The following PRELID2 variants were observed in gnomAD, a reference collection of about 807,000 sequenced individuals.
The protein encoded by PRELID2 is PRELI domain-containing protein 2.
Under a neutral mutation model 28.4 loss-of-function variants are expected in PRELID2, and 25 were observed. The observed-to-expected ratio is 0.88, with a 90% CI of 0.64 to 1.23. The LOEUF (loss-of-function observed/expected upper bound fraction) is 1.23, where lower values mean the gene tolerates loss of function less well. PRELID2 is among the 50% of genes most tolerant of loss of function. PRELID2 has a pLI of 0.00. For missense variants in PRELID2, 201 were observed against 214.4 expected, an observed-to-expected ratio of 0.94 and a Z score of 0.39; for synonymous variants, 76 against 71.6, an observed-to-expected ratio of 1.06 and a Z score of -0.31.
intron 1 of PRELID2, among the ~76,000 whole-genome samples, chr5:145,613,425 C>T (rs1216759211): frequency 1.4e-5 from 2 of 145,566 alleles, no homozygotes; most frequent in Admixed American, 1.4e-4. Flanking sequence ...GGTATATCTC[C>T]TAATGCTATC....
chr5:145,362,596 A>T, the PRELID2 span, among the ~76,000 whole-genome samples: 1 of 152,138 alleles, frequency 6.6e-6, no homozygotes, highest in African/African-American at 2.4e-5. Context: ...AATACATAAC[A>T]TTTCACTGAT....
chr5:145,461,395 C>T, the PRELID2 span, among the ~76,000 whole-genome samples: 10 of 152,152 alleles, frequency 6.6e-5, no homozygotes, highest in African/African-American at 2.4e-4. Context: ...CTCTGCCTCC[C>T]GGGTTCACGC....
the PRELID2 span, among the ~76,000 whole-genome samples, chr5:145,358,160 G>T: frequency 6.6e-6 from 1 of 152,108 alleles, no homozygotes; most frequent in Non-Finnish European, 1.5e-5. Flanking sequence ...CTGTCTCAGT[G>T]CTTCTCAGGG....
chr5:145,359,995 T>C, the PRELID2 span, among the ~76,000 whole-genome samples: 55 of 152,320 alleles, frequency 3.6e-4, no homozygotes, highest in African/African-American at 1.2e-3. Context: ...AGGGAATGGC[T>C]ACATTTGAGA....
chr5:145,701,551 G>A (rs1755407282), intron 1 of PRELID2, among the ~76,000 whole-genome samples: 1 of 152,178 alleles, frequency 6.6e-6, no homozygotes, highest in African/African-American at 2.4e-5. Context: ...TGAGCAAAGA[G>A]GTTGGTGGAG....
At chr5:145,323,105 T>C in the PRELID2 span, among the ~76,000 whole-genome samples, 7 of 152,022 alleles carry the variant, frequency 4.6e-5, no homozygotes, top group African/African-American at 1.4e-4. Context: ...TTTAGATTGG[T>C]TCCCAGGGAG....
At chr5:145,770,074 T>C (rs543495983) in intron 5 of PRELID2, among the ~76,000 whole-genome samples, 3 of 152,318 alleles carry the variant, frequency 2.0e-5, no homozygotes, top group Admixed American at 6.5e-5. Context: ...TGTGGTGACA[T>C]TGGTGTGAAC....
intron 1 of PRELID2, among the ~76,000 whole-genome samples, chr5:145,601,471 G>A (rs1014067690): frequency 2.0e-5 from 3 of 152,172 alleles, no homozygotes; most frequent in South Asian, 2.1e-4. Context: ...TATTTCAAGC[G>A]ATAAGATTTG....
chr5:145,727,664 G>C (rs1756211797), intron 1 of PRELID2, among the ~76,000 whole-genome samples: 1 of 152,150 alleles, frequency 6.6e-6, no homozygotes, highest in African/African-American at 2.4e-5. Context: ...CAAATGTAGA[G>C]CCTCCAATGG....
chr5:145,485,498 GC>G lies in PRELID2; in HGVS notation n.71-12184del, dbSNP rs368540528. ...GAGTGCATGTATGTAGAGCGTGTTT[GC>G]CTGCTCTGTTAACCACAAGTTACTC... On this transcript the variant is annotated intron_variant and non_coding_transcript_variant, in intron 1 of 2. Coordinates refer to the PRELID2 transcript ENST00000510259. Among the ~76,000 whole-genome samples the G allele has an allele frequency of 2.2e-4, 33 of 152,322 alleles. No individual in the cohort carries two copies. The East Asian group carries it at 4.4e-3, about 20-fold the overall frequency.
At chr5:145,720,931 ATG>A (rs1186868856) in intron 1 of PRELID2, among the ~76,000 whole-genome samples, 1 of 152,106 alleles carries the variant, frequency 6.6e-6, no homozygotes, top group Admixed American at 6.6e-5. Context: ...GTTTTTGTTT[ATG>A]TGAGTTATAT....
rs1302046984 is a variant in PRELID2 at position 145,757,249 on chromosome 5, A to G, written c.*3287T>C. On this transcript the variant is annotated 3_prime_UTR_variant, in exon 7 of 7. Transcript: ENST00000683046. ...AATACAGCACCTTTTTCATCCATAT[A>G]TGACTGAAACTATAAAAGCCCCTTC... is the stretch of plus-strand genomic sequence containing the variant. Among the ~76,000 whole-genome samples, 1 of 152,214 alleles carries G rather than the reference A, an allele frequency of 6.6e-6. No individual in the cohort carries two copies. Among genetic ancestry groups the G allele is most frequent in the African/African-American group, 2.4e-5 (1 of 41,470 alleles).
At chr5:145,810,963 A>G (rs532167248) in intron 4 of PRELID2, among the ~76,000 whole-genome samples, 1 of 152,048 alleles carries the variant, frequency 6.6e-6, no homozygotes, top group African/African-American at 2.4e-5. Flanking sequence ...TGATAAAGAC[A>G]TACCTGAGAC....
chr5:145,697,725 AT>A (rs1442508532), intron 1 of PRELID2, among the ~76,000 whole-genome samples: 1 of 152,188 alleles, frequency 6.6e-6, no homozygotes, highest in African/African-American at 2.4e-5. Flanking sequence ...AATGCAGTCC[AT>A]TTCGATAAGA....
the PRELID2 span, among the ~76,000 whole-genome samples, chr5:145,245,157 T>C: frequency 6.6e-6 from 1 of 152,148 alleles, no homozygotes; most frequent in Non-Finnish European, 1.5e-5. Context: ...ATATGTCCTG[T>C]AATTAAGAAA....
intron 1 of PRELID2, among the ~76,000 whole-genome samples, chr5:145,831,734 T>TCC (rs35085996): frequency 1.3e-5 from 2 of 152,220 alleles, no homozygotes; most frequent in Admixed American, 1.3e-4. Flanking sequence ...GTCTCTCATT[T>TCC]CCCCAGTTCT....
In PRELID2 at chr5:145,818,036, G is replaced by A. The variant is rs1335405959; in HGVS notation, c.226C>T (p.Pro76Ser). ...ILRKVSILKV[P>S]NIQLEEESWL... ...GACTCCTCTTCTAATTGGATATTAG[G>A]TACTTTCAAAATGCTCACCTGTCCA... The change falls in exon 4 of 7, where the codon CCT (proline) becomes TCT (serine). Residue 76 changes from proline to serine, a missense_variant. Transcript: ENST00000683046. 1 of 1,611,936 alleles carries A rather than the reference G, an allele frequency of 6.2e-7. No homozygotes were observed. Among genetic ancestry groups the A allele is most frequent in the Admixed American group, 1.7e-5 (1 of 59,798 alleles).
At chr5:145,229,648 C>T in the PRELID2 span, 5 of 870,554 alleles carry the variant, frequency 5.7e-6, no homozygotes, top group South Asian at 5.2e-5. Flanking sequence ...CAGACAAAGG[C>T]CCAAGGTATC....
At chr5:145,560,274 C>T (rs1752915678) in intron 1 of PRELID2, among the ~76,000 whole-genome samples, 2 of 152,204 alleles carry the variant, frequency 1.3e-5, no homozygotes, top group Non-Finnish European at 2.9e-5. Flanking sequence ...GCTGTTCCAT[C>T]ATACTTATTC....
Sources: allele counts gnomAD v4.1 joint callset (sites outside exome capture counted in the v4.1 genomes callset), GRCh38; gene constraint gnomAD v4.1.1; transcripts MANE v1.5; gene names NCBI Gene and HGNC (gene_info 2026-07-23, HGNC 2026-07-21).